Variants in PROS1 observed in about 807,000 individuals in gnomAD.
The protein encoded by PROS1 is vitamin K-dependent protein S.
In PROS1, 29 loss-of-function variants were observed where a neutral mutation model predicts 75.9. That is an observed-to-expected ratio of 0.38 (90% CI 0.28 to 0.52). The LOEUF (loss-of-function observed/expected upper bound fraction) is 0.52. Ranked by LOEUF, PROS1 falls within the 20% of genes least tolerant of loss-of-function variation. The pLI, the probability that PROS1 is intolerant of heterozygous loss-of-function variation, is 0.83. For missense variants in PROS1, 680 were observed against 810.3 expected, an observed-to-expected ratio of 0.84 and a Z score of 1.95; for synonymous variants, 245 against 280.6, an observed-to-expected ratio of 0.87 and a Z score of 1.27.
intron 9 of PROS1, among the ~76,000 whole-genome samples, chr3:93,895,977 T>C (rs1213085605): frequency 6.6e-6 from 1 of 151,864 alleles, no homozygotes; most frequent in African/African-American, 2.4e-5. Context: ...AATAAATAAA[T>C]ATAATAAAAT....
chr3:93,928,222 C>T (rs1709056499), intron 1 of PROS1, among the ~76,000 whole-genome samples: 2 of 149,142 alleles, frequency 1.3e-5, no homozygotes, highest in Admixed American at 1.3e-4. Flanking sequence ...TCCTTGCTAC[C>T]TGGGAGGCTA....
At chr3:93,971,287 G>A (rs1419319709) in intron 1 of PROS1, among the ~76,000 whole-genome samples, 1 of 151,562 alleles carries the variant, frequency 6.6e-6, no homozygotes, top group South Asian at 2.1e-4. Context: ...GGCAGAGGTT[G>A]CAGTGAGCTG....
chr3:93,877,705 C>T lies in PROS1; in HGVS notation c.1645-514G>A, dbSNP rs114640812. The stretch of plus-strand genomic sequence containing the variant: ...GAGAAAGAAAAACCAGGGATTGCCA[C>T]CAGCACGTTATAGAACATTTACCAG... On this transcript the variant is annotated intron_variant, in intron 13 of 14. Transcript: ENST00000394236. 9.7e-3 allele frequency among the ~76,000 whole-genome samples: 1,470 copies of T among 152,282 alleles called. 21 individuals are homozygous for T. The highest frequency in any genetic ancestry group is 0.033 in the African/African-American group (1,361 of 41,552).
intron 1 of PROS1, among the ~76,000 whole-genome samples, chr3:93,968,569 T>C (rs1709823643): frequency 6.6e-6 from 1 of 152,116 alleles, no homozygotes. Context: ...AATCTCAAAT[T>C]TTTTACATTC....
At chr3:93,918,001 C>T (rs1429633402) in intron 3 of PROS1, among the ~76,000 whole-genome samples, 2 of 152,206 alleles carry the variant, frequency 1.3e-5, no homozygotes, top group African/African-American at 4.8e-5. Context: ...GGCAGCTCCA[C>T]CTGCAGCCCC....
At chr3:93,973,416 A>G (rs1414884396) in intron 1 of PROS1, 4 of 461,824 alleles carry the variant, frequency 8.7e-6, no homozygotes, top group Admixed American at 3.8e-5. Flanking sequence ...TCATCCCTCC[A>G]TTGATACTTA....
chr3:93,971,853 A>T (rs897296321), intron 1 of PROS1, among the ~76,000 whole-genome samples: 2 of 152,150 alleles, frequency 1.3e-5, no homozygotes, highest in African/African-American at 2.4e-5. Context: ...TGGATTAAAA[A>T]CATCACATCT....
At chr3:93,887,528 A>G (rs1279069799) in intron 10 of PROS1, among the ~76,000 whole-genome samples, 1 of 152,220 alleles carries the variant, frequency 6.6e-6, no homozygotes, top group African/African-American at 2.4e-5. Context: ...AAGCCAAACA[A>G]TAAGCATATT....
rs8178589 is a variant in PROS1, at chr3:93,963,430, C to T, written c.76+10244G>A. Among the ~76,000 whole-genome samples, 1,017 of 152,312 alleles carry T rather than the reference C, an allele frequency of 6.7e-3. 13 individuals carry two copies. Among genetic ancestry groups the T allele is most frequent in the African/African-American group, 0.023 (936 of 41,564 alleles). On this transcript the variant is annotated intron_variant, in intron 1 of 14. Coordinates refer to ENST00000394236, the MANE Select transcript of PROS1 (RefSeq NM_000313.4). ...ACTCTCTTGACTTCCTCCTCACCCT[C>T]AAACCCCCTCATTGGTCTCATAAGA... is the stretch of plus-strand genomic sequence containing the variant.
chr3:93,931,245 C>T (rs1709101151), intron 1 of PROS1, among the ~76,000 whole-genome samples: 1 of 152,170 alleles, frequency 6.6e-6, no homozygotes, highest in African/African-American at 2.4e-5. Context: ...TACCCATCCC[C>T]TTAGCCCAGT....
intron 1 of PROS1, among the ~76,000 whole-genome samples, chr3:93,949,637 C>A (rs904290482): frequency 4.0e-5 from 6 of 151,806 alleles, no homozygotes; most frequent in African/African-American, 1.2e-4. Flanking sequence ...AATAAACTAA[C>A]AACATAATTA....
intron 1 of PROS1, among the ~76,000 whole-genome samples, chr3:93,945,284 G>A (rs889505954): frequency 5.9e-5 from 9 of 152,084 alleles, no homozygotes; most frequent in Admixed American, 4.6e-4. Flanking sequence ...GAAAAAGAGG[G>A]AATCCTCCCT....
chr3:93,945,098 C>T lies in PROS1; in HGVS notation c.77-17691G>A, dbSNP rs574323919. On this transcript the variant is annotated intron_variant, in intron 1 of 14. Coordinates refer to ENST00000394236, the MANE Select transcript of PROS1 (RefSeq NM_000313.4). The stretch of plus-strand genomic sequence containing the variant: ...TGGATAAATTCTGGGACACATGCAC[C>T]CTCCCAAGAAGAAGTTGAATCTCTG... Among the ~76,000 whole-genome samples, 6 of 151,552 alleles carry T rather than the reference C, an allele frequency of 4.0e-5. No homozygotes were observed. In the South Asian group the frequency reaches 1.3e-3, roughly 32 times the overall value.
intron 6 of PROS1, among the ~76,000 whole-genome samples, 170 bp from the exon 7 acceptor site, chr3:93,901,099 T>C (rs1441302613): frequency 6.6e-6 from 1 of 152,244 alleles, no homozygotes; most frequent in Non-Finnish European, 1.5e-5. Flanking sequence ...GCTCACTAAA[T>C]ATGATTTCTT....
chr3:93,973,829 A>G lies in PROS1; in HGVS notation c.-80T>C. 2.4e-6 allele frequency: 3 copies of G among 1,270,986 alleles called. No homozygotes were observed. Among genetic ancestry groups the G allele is most frequent in the East Asian group, 2.6e-5 (1 of 38,372 alleles). The allele number at this position is 1,270,986 out of a possible 1,614,324, so 78.7% of individuals were successfully genotyped here. Reference sequence around the variant, plus strand: ...GAGCGCTAGGCGCCGCGGAGCTGCGAGCCTGTGCGCCTCGGTCTGAGCCGT... The same window carrying G: ...GAGCGCTAGGCGCCGCGGAGCTGCGGGCCTGTGCGCCTCGGTCTGAGCCGT... On this transcript the variant is annotated 5_prime_UTR_variant, in exon 1 of 15. Transcript: ENST00000394236.
At chr3:93,963,515 C>A (rs1709740212) in intron 1 of PROS1, among the ~76,000 whole-genome samples, 1 of 152,082 alleles carries the variant, frequency 6.6e-6, no homozygotes, top group South Asian at 2.1e-4. Context: ...TGCATCACTA[C>A]AAAGGAATAC....
At chr3:93,961,369 A>T (rs1013909288) in intron 1 of PROS1, among the ~76,000 whole-genome samples, 2 of 152,226 alleles carry the variant, frequency 1.3e-5, no homozygotes, top group African/African-American at 4.8e-5. Context: ...TGCTTTTAAA[A>T]TTGATTTTAT....
At chr3:93,970,730 AAT>A in intron 1 of PROS1, among the ~76,000 whole-genome samples, 1 of 152,206 alleles carries the variant, frequency 6.6e-6, no homozygotes, top group Non-Finnish European at 1.5e-5. Flanking sequence ...AAAATTAGTT[AAT>A]ATCTCTGAAC....
intron 3 of PROS1, among the ~76,000 whole-genome samples, chr3:93,922,478 T>C (rs1198362560): frequency 6.6e-6 from 1 of 152,192 alleles, no homozygotes; most frequent in African/African-American, 2.4e-5. Context: ...AGTACTTATT[T>C]CCAAATCGCA....
Sources: allele counts gnomAD v4.1 joint callset (sites outside exome capture counted in the v4.1 genomes callset), GRCh38; gene constraint gnomAD v4.1.1; transcripts MANE v1.5; gene names NCBI Gene and HGNC (gene_info 2026-07-23, HGNC 2026-07-21).